DGKI: variants seen among roughly 807,000 people sequenced by gnomAD.
The protein encoded by DGKI is diacylglycerol kinase iota.
A neutral mutation model predicts 147.5 loss-of-function variants in DGKI; 55 were observed. The observed-to-expected ratio is 0.37, with a 90% confidence interval of 0.30 to 0.47. The LOEUF (loss-of-function observed/expected upper bound fraction) is 0.47, where lower values mean the gene tolerates loss of function less well. Ranked by LOEUF, DGKI falls within the 20% of genes least tolerant of loss-of-function variation. The probability of loss-of-function intolerance (pLI) is 1.00; values close to 1 mark genes in which losing one functional copy is unlikely to be tolerated. For synonymous variants in DGKI, 469 were observed against 477.1 expected, an observed-to-expected ratio of 0.98 and a Z score of 0.22; for missense variants, 1,007 against 1,323.8, an observed-to-expected ratio of 0.76 and a Z score of 3.71.
chr7:137,578,093 C>T (rs1375615275), intron 16 of DGKI, among the ~76,000 whole-genome samples, 177 bp downstream of exon 16: 1 of 152,166 alleles, frequency 6.6e-6, no homozygotes, highest in East Asian at 1.9e-4. Context: ...TGACAGCTAA[C>T]TTAAGAAATA....
chr7:137,721,967 G>T, intron 1 of DGKI: 1 of 1,429,734 alleles, frequency 7.0e-7, no homozygotes, highest in Non-Finnish European at 9.5e-7. Flanking sequence ...AGCATAGTGA[G>T]CTCTTTCCCA....
intron 24 of DGKI, among the ~76,000 whole-genome samples, chr7:137,467,328 AAGAG>A (rs1173803984): frequency 3.9e-5 from 6 of 152,358 alleles, no homozygotes; most frequent in Admixed American, 6.5e-5. Flanking sequence ...CCATGAGACT[AAGAG>A]ACCTGCCTCT....
At chr7:137,423,747 C>A (rs1812670721) in intron 28 of DGKI, among the ~76,000 whole-genome samples, 2 of 152,094 alleles carry the variant, frequency 1.3e-5, no homozygotes. Flanking sequence ...TAGCAAAGGT[C>A]ATGTTCAGAG....
chr7:137,712,218 G>A (rs1437293189), intron 1 of DGKI, among the ~76,000 whole-genome samples: 1 of 152,148 alleles, frequency 6.6e-6, no homozygotes, highest in Non-Finnish European at 1.5e-5. Flanking sequence ...AGACTTCAGA[G>A]GTTATTACGA....
chr7:137,535,747 T>C (rs10238276), intron 20 of DGKI, among the ~76,000 whole-genome samples: 1 of 152,116 alleles, frequency 6.6e-6, no homozygotes, highest in Non-Finnish European at 1.5e-5. Flanking sequence ...GAATGTTAAA[T>C]GTGGAAGGGG....
chr7:137,722,066 T>G (rs1467213308), intron 1 of DGKI: 19 of 1,596,772 alleles, frequency 1.2e-5, no homozygotes, highest in East Asian at 2.2e-5. Flanking sequence ...GGTGGCAAGG[T>G]GAAAAAGGGT....
intron 26 of DGKI, among the ~76,000 whole-genome samples, chr7:137,464,073 A>G (rs1290486081): frequency 2.6e-5 from 4 of 151,918 alleles, no homozygotes; most frequent in African/African-American, 4.8e-5. Flanking sequence ...GCATTTGGCC[A>G]TTATTTGACA....
intron 1 of DGKI, among the ~76,000 whole-genome samples, chr7:137,786,201 A>C (rs552523759): frequency 2.0e-4 from 31 of 152,286 alleles, no homozygotes; most frequent in African/African-American, 7.5e-4. Context: ...TGCTGATGAT[A>C]TCATTGTATA....
At chr7:137,638,491 CACATAT>C (rs1821437974) in intron 6 of DGKI, among the ~76,000 whole-genome samples, 1 of 121,442 alleles carries the variant, frequency 8.2e-6, no homozygotes, top group Non-Finnish European at 1.6e-5. Context: ...TATATATACA[CACATAT>C]ATATGTATAT....
At chr7:137,483,185 A>T (rs1397516912) in intron 23 of DGKI, among the ~76,000 whole-genome samples, 1 of 152,138 alleles carries the variant, frequency 6.6e-6, no homozygotes, top group Non-Finnish European at 1.5e-5. Context: ...GCATAAAAAA[A>T]TATGGTACAA....
intron 10 of DGKI, among the ~76,000 whole-genome samples, chr7:137,603,767 TTCA>T (rs1820077757): frequency 6.6e-6 from 1 of 152,154 alleles, no homozygotes; most frequent in Admixed American, 6.5e-5. Context: ...ATGAAGAACC[TTCA>T]GGGTAAAGGC....
chr7:137,667,659 T>C (rs1432100039), intron 3 of DGKI, among the ~76,000 whole-genome samples: 2 of 141,168 alleles, frequency 1.4e-5, no homozygotes, highest in Admixed American at 6.7e-5. Context: ...TGGAATACTG[T>C]ATTTCTAGTT....
At chr7:137,644,890 C>T (rs1405588165) in intron 6 of DGKI, among the ~76,000 whole-genome samples, 2 of 152,140 alleles carry the variant, frequency 1.3e-5, no homozygotes, top group East Asian at 1.9e-4. Context: ...AGTATACAAT[C>T]ACAACACCCC....
chr7:137,585,136 G>A (rs1166949617), intron 14 of DGKI, 73 bp downstream of exon 14: 1 of 1,562,350 alleles, frequency 6.4e-7, no homozygotes, highest in African/African-American at 1.4e-5. Context: ...TGACTCTCCA[G>A]CCAGGATTTT....
rs117841470 is a variant in DGKI at position 137,653,743 on chromosome 7, G to A, written c.738+989C>T. On this transcript the variant is annotated intron_variant, in intron 5 of 32. Transcript: ENST00000614521. ...GACCAGCTGGGGAGGTTTCCAAGGG[G>A]TAAATCTGTAAGTGGAACTGAACCT... Among the ~76,000 whole-genome samples, 845 of 152,294 alleles carry A rather than the reference G, an allele frequency of 5.5e-3. 5 individuals are homozygous for A. The highest frequency in any genetic ancestry group is 9.1e-3 in the Non-Finnish European group (620 of 68,022).
intron 6 of DGKI, among the ~76,000 whole-genome samples, chr7:137,629,360 G>A (rs1250011435): frequency 1.3e-5 from 2 of 152,200 alleles, no homozygotes; most frequent in East Asian, 1.9e-4. Context: ...CACATATAAA[G>A]GTATTCTATG....
intron 26 of DGKI, among the ~76,000 whole-genome samples, chr7:137,463,918 T>C (rs59553395): frequency 0.088 from 13,435 of 152,134 alleles, 1,992 homozygotes; most frequent in African/African-American, 0.31. Flanking sequence ...ACAAAGTCCA[T>C]CCTGTTTCAC....
At chr7:137,788,505 A>G (rs1796741334) in intron 1 of DGKI, among the ~76,000 whole-genome samples, 6 of 151,956 alleles carry the variant, frequency 3.9e-5, no homozygotes, top group Admixed American at 3.9e-4. Context: ...ACGTCTCCAG[A>G]CTGTTCTTCT....
intron 22 of DGKI, 26 bp downstream of exon 22, chr7:137,487,584 A>G (rs762163776): frequency 1.3e-6 from 2 of 1,597,706 alleles, no homozygotes; most frequent in South Asian, 1.1e-5. Flanking sequence ...GTTGAGGAGA[A>G]TAAAAAATTG....
Sources: allele counts gnomAD v4.1 joint callset (sites outside exome capture counted in the v4.1 genomes callset), GRCh38; gene constraint gnomAD v4.1.1; transcripts MANE v1.5; gene names NCBI Gene and HGNC (gene_info 2026-07-23, HGNC 2026-07-21).